The following CYRIB variants were observed in gnomAD, a reference collection of about 807,000 sequenced individuals.
CYRIB encodes the protein CYFIP related Rac1 interactor B.
Under a neutral mutation model 44.2 loss-of-function variants are expected in CYRIB, and 8 were observed. The observed-to-expected ratio is 0.18, with a 90% CI of 0.11 to 0.33. The LOEUF is 0.33. Among genes scored for constraint, CYRIB ranks in the 10% least tolerant of loss-of-function variants. The pLI, the probability that CYRIB is intolerant of heterozygous loss-of-function variation, is 1.00. For synonymous variants in CYRIB, 131 were observed against 127.2 expected, an observed-to-expected ratio of 1.03 and a Z score of -0.20; for missense variants, 185 against 382.8, an observed-to-expected ratio of 0.48 and a Z score of 4.31.
intron 3 of CYRIB, among the ~76,000 whole-genome samples, chr8:129,875,632 T>C (rs1401131168): frequency 6.6e-6 from 1 of 151,794 alleles, no homozygotes; most frequent in East Asian, 1.9e-4. Context: ...TCTTATCATA[T>C]AGGTGTAATC....
intron 2 of CYRIB, among the ~76,000 whole-genome samples, chr8:129,960,649 GAAAAAAAAAA>G (rs746019281): frequency 3.4e-5 from 1 of 29,040 alleles, no homozygotes; most frequent in African/African-American, 1.3e-4. Context: ...TCTGTCTCAA[GAAAAAAAAAA>G]AAAAAAAAAA....
chr8:129,953,974 T>G (rs1177845239), intron 2 of CYRIB, among the ~76,000 whole-genome samples: 1 of 152,142 alleles, frequency 6.6e-6, no homozygotes, highest in Non-Finnish European at 1.5e-5. Flanking sequence ...GGAAAGATAT[T>G]GCATAAACCT....
At chr8:129,881,572 C>T (rs1425661036) in intron 2 of CYRIB, among the ~76,000 whole-genome samples, 1 of 152,142 alleles carries the variant, frequency 6.6e-6, no homozygotes, top group Non-Finnish European at 1.5e-5. Flanking sequence ...TAGCTATTTG[C>T]TTTAGAGGTC....
In CYRIB at chr8:129,988,747, T is replaced by C. The variant is rs150958025; in HGVS notation, c.-295-17752A>G. On this transcript the variant is annotated intron_variant, in intron 1 of 14. Transcript: ENST00000401979. ...GGACAGAAAGAGGCTGAGTTCAATA[T>C]GTCCTTGTTATGTAAATTATGGCGG... is the stretch of plus-strand genomic sequence containing the variant. Among the ~76,000 whole-genome samples, 231 of 152,290 alleles carry C rather than the reference T, an allele frequency of 1.5e-3. 1 individual carries two copies. Among genetic ancestry groups the C allele is most frequent in the Non-Finnish European group, 2.1e-3 (143 of 68,012 alleles).
At chr8:129,844,258 C>G (rs2038444222) in intron 11 of CYRIB, 1 of 152,236 alleles carries the variant, frequency 6.6e-6, no homozygotes. Flanking sequence ...CCTCTCTACC[C>G]ATGACGCAAG....
intron 1 of CYRIB, among the ~76,000 whole-genome samples, chr8:129,909,364 C>T (rs1008617959): frequency 6.6e-6 from 1 of 152,136 alleles, no homozygotes; most frequent in Non-Finnish European, 1.5e-5. Flanking sequence ...AGTACCACTA[C>T]CTATAATCCC....
chr8:129,887,201 C>T (rs1481653210), intron 2 of CYRIB, among the ~76,000 whole-genome samples: 1 of 152,122 alleles, frequency 6.6e-6, no homozygotes, highest in East Asian at 1.9e-4. Flanking sequence ...GGACACTGCT[C>T]CCTGCATCCC....
intron 9 of CYRIB, 83 bp from the exon 12 acceptor site, chr8:129,849,452 C>T: frequency 2.2e-6 from 3 of 1,352,156 alleles, no homozygotes; most frequent in Non-Finnish European, 3.0e-6. Context: ...AAAACCTCTT[C>T]TGAAATATTT....
chr8:129,980,227 C>CAAAAAAAAAAAA (rs58630436), intron 1 of CYRIB, among the ~76,000 whole-genome samples: 19 of 91,502 alleles, frequency 2.1e-4, no homozygotes, highest in Non-Finnish European at 3.0e-4. Flanking sequence ...GACTCCATCT[C>CAAAAAAAAAAAA]AAAAAAAAAA....
At chr8:129,931,730 G>C (rs2091446257) in intron 1 of CYRIB, among the ~76,000 whole-genome samples, 1 of 151,976 alleles carries the variant, frequency 6.6e-6, no homozygotes, top group African/African-American at 2.4e-5. Context: ...AGATTCCAGT[G>C]ATTCTTTTGC....
Position 129,871,470 on chromosome 8 carries a change from C to A in CYRIB, c.100G>T (p.Glu34Ter), listed in dbSNP as rs1269397593. ...ACTACATTCACCTGATTATAAATTT[C>A]CTTCTCAGACTCTGTAGGCTGGGCA... is the stretch of plus-strand genomic sequence containing the variant. Residue 34 changes from glutamate (E) to a stop codon, truncating the protein, a stop_gained, in exon 4 of 12, where the codon GAA becomes TAA. Transcript: ENST00000519824. LOFTEE classifies it high-confidence loss of function. The A allele has an allele frequency of 6.2e-7, 1 of 1,609,722 alleles. No individual in the cohort carries two copies. The highest frequency in any genetic ancestry group is 8.5e-7 in the Non-Finnish European group (1 of 1,178,574).
intron 1 of CYRIB, among the ~76,000 whole-genome samples, chr8:129,998,908 T>C (rs935840031): frequency 8.5e-5 from 13 of 152,156 alleles, no homozygotes; most frequent in African/African-American, 2.9e-4. Context: ...TTCTTCTCCT[T>C]CTTCTTTTTT....
intron 4 of CYRIB, among the ~76,000 whole-genome samples, chr8:129,862,611 C>T (rs2128387): frequency 0.16 from 24,278 of 152,038 alleles, 2,385 homozygotes; most frequent in Non-Finnish European, 0.22. Context: ...GCTGGGACTA[C>T]AGGCACGCGC....
intron 1 of CYRIB, among the ~76,000 whole-genome samples, chr8:129,975,594 G>C (rs2095881740): frequency 6.6e-6 from 1 of 152,178 alleles, no homozygotes; most frequent in Non-Finnish European, 1.5e-5. Flanking sequence ...CAAGTTAAGA[G>C]CACCTGGAAA....
At chr8:129,865,020 G>C (rs943285838) in intron 4 of CYRIB, 7 of 175,294 alleles carry the variant, frequency 4.0e-5, no homozygotes, top group African/African-American at 7.2e-5. Context: ...TTGCCATGCA[G>C]CTTGGAGAAG....
At chr8:129,959,392 T>G (rs2095101915) in intron 2 of CYRIB, among the ~76,000 whole-genome samples, 1 of 152,140 alleles carries the variant, frequency 6.6e-6, no homozygotes, top group Admixed American at 6.6e-5. Flanking sequence ...ACAAGGACAT[T>G]ATGAGAATTT....
At chr8:129,909,694 C>A (rs1050342680) in intron 1 of CYRIB, among the ~76,000 whole-genome samples, 1 of 152,128 alleles carries the variant, frequency 6.6e-6, no homozygotes, top group African/African-American at 2.4e-5. Flanking sequence ...AAGAAGTTAT[C>A]CCAGTCTAAT....
chr8:129,934,362 C>A (rs2092382515), intron 1 of CYRIB, among the ~76,000 whole-genome samples: 1 of 152,066 alleles, frequency 6.6e-6, no homozygotes, highest in Non-Finnish European at 1.5e-5. Context: ...TTAGTCTTAG[C>A]CCCAAGAAGG....
intron 1 of CYRIB, among the ~76,000 whole-genome samples, chr8:129,922,498 A>G (rs1453025421): frequency 1.8e-4 from 27 of 152,212 alleles, no homozygotes; most frequent in Non-Finnish European, 2.9e-5. Context: ...TTGTTTCAAA[A>G]CAAAATTTGA....
Sources: gnomAD v4.1 joint callset for allele counts (sites outside exome capture counted in the v4.1 genomes callset) on GRCh38, gnomAD v4.1.1 for gene constraint, MANE v1.5 for transcripts, NCBI Gene and HGNC (gene_info 2026-07-23, HGNC 2026-07-21) for gene names.